Variants in KATNAL1 observed in about 807,000 individuals in gnomAD.
KATNAL1 encodes katanin catalytic subunit A1 like 1, also known as katanin p60 ATPase-containing subunit A-like 1.
KATNAL1 carries 32 observed loss-of-function variants against 55.2 expected under a neutral mutation model. The observed-to-expected ratio is 0.58, with a 90% CI of 0.44 to 0.78. KATNAL1 has a LOEUF of 0.78. Among genes scored for constraint, KATNAL1 ranks in the 30% least tolerant of loss-of-function variants. KATNAL1 has a pLI of 0.00. For missense variants in KATNAL1, 466 were observed against 600.9 expected (o/e 0.78, Z 2.35); for synonymous variants, 193 against 193.6 (o/e 1.00, Z 0.02).
intron 10 of KATNAL1, among the ~76,000 whole-genome samples, chr13:30,209,580 T>A (rs1030884500): frequency 6.6e-6 from 1 of 152,240 alleles, no homozygotes; most frequent in Non-Finnish European, 1.5e-5. Context: ...GTCTAAAACT[T>A]ATGATGTCGC....
intron 3 of KATNAL1, among the ~76,000 whole-genome samples, chr13:30,269,895 A>AGGGG (rs1280382973): frequency 1.4e-5 from 2 of 142,880 alleles, no homozygotes; most frequent in Admixed American, 1.4e-4. Context: ...CCCGTCCAGG[A>AGGGG]GGGGGGGGTC....
chr13:30,242,821 C>T (rs1026329256), intron 4 of KATNAL1, among the ~76,000 whole-genome samples: 11 of 151,744 alleles, frequency 7.2e-5, no homozygotes, highest in South Asian at 2.1e-4. Context: ...ATTCTGGAAA[C>T]GTTTTCAAAT....
chr13:30,296,120 G>A, intron 1 of KATNAL1: 1 of 417,466 alleles, frequency 2.4e-6, no homozygotes, highest in Non-Finnish European at 4.4e-6. Context: ...CGTGCATCTA[G>A]CCTTTGCCCA....
intron 4 of KATNAL1, among the ~76,000 whole-genome samples, chr13:30,247,877 A>G (rs551888653): frequency 6.6e-5 from 10 of 152,316 alleles, no homozygotes; most frequent in Middle Eastern, 3.4e-3. Context: ...TTTATTTTAC[A>G]CTTTCTGTAG....
At chr13:30,227,125 T>TCC (rs1566092370) in intron 9 of KATNAL1, among the ~76,000 whole-genome samples, 1 of 151,442 alleles carries the variant, frequency 6.6e-6, no homozygotes, top group Non-Finnish European at 1.5e-5. Context: ...TCTCTCTCTC[T>TCC]CCAAAACAGC....
At chr13:30,219,303 C>T (rs76528358) in intron 9 of KATNAL1, among the ~76,000 whole-genome samples, 5,802 of 152,056 alleles carry the variant, frequency 0.038, 149 homozygotes, top group African/African-American at 0.061. Context: ...CTGGTGGCTC[C>T]AGCCCCAAAA....
intron 9 of KATNAL1, among the ~76,000 whole-genome samples, chr13:30,212,502 C>A (rs990180156): frequency 2.0e-5 from 3 of 152,226 alleles, no homozygotes. Context: ...CCGAGCTCAG[C>A]CTGCCAGGCC....
At chr13:30,255,389 A>T in intron 4 of KATNAL1, 58 bp downstream of exon 4, 1 of 1,331,296 alleles carries the variant, frequency 7.5e-7, no homozygotes, top group Non-Finnish European at 9.8e-7. Context: ...AAAAATCATA[A>T]CATCCACCAA....
chr13:30,261,164 A>G (rs1036631734), intron 3 of KATNAL1, among the ~76,000 whole-genome samples: 4 of 152,156 alleles, frequency 2.6e-5, no homozygotes, highest in African/African-American at 9.7e-5. Flanking sequence ...AGACAAGCAA[A>G]TGCTGAGAGA....
intron 9 of KATNAL1, among the ~76,000 whole-genome samples, chr13:30,214,250 C>G (rs1349860869): frequency 6.6e-6 from 1 of 152,150 alleles, no homozygotes; most frequent in Non-Finnish European, 1.5e-5. Flanking sequence ...GAACTACAAA[C>G]CACTCCTCAA....
At chr13:30,283,920 G>T in intron 1 of KATNAL1, 129 bp from the exon 2 acceptor site, 1 of 634,784 alleles carries the variant, frequency 1.6e-6, no homozygotes, top group Non-Finnish European at 2.6e-6. Flanking sequence ...TTATTGCCCA[G>T]ATTGGAGTGC....
At chr13:30,222,401 G>T (rs1874963480) in intron 9 of KATNAL1, among the ~76,000 whole-genome samples, 1 of 152,090 alleles carries the variant, frequency 6.6e-6, no homozygotes, top group Admixed American at 6.5e-5. Context: ...GGACTTACCA[G>T]CCCCCATAAT....
chr13:30,251,979 T>C (rs985868666), intron 4 of KATNAL1, among the ~76,000 whole-genome samples: 6 of 152,140 alleles, frequency 3.9e-5, no homozygotes, highest in Non-Finnish European at 5.9e-5. Flanking sequence ...CTGTCAGTAA[T>C]TTTAAAAAAG....
At chr13:30,264,496 C>G (rs1320699212) in intron 3 of KATNAL1, among the ~76,000 whole-genome samples, 1 of 150,356 alleles carries the variant, frequency 6.7e-6, no homozygotes, top group African/African-American at 2.5e-5. Context: ...GGGCTAATAT[C>G]CAGAATCTAC....
chr13:30,286,349 C>T (rs1221315648), intron 1 of KATNAL1, among the ~76,000 whole-genome samples: 1 of 152,154 alleles, frequency 6.6e-6, no homozygotes, highest in Non-Finnish European at 1.5e-5. Context: ...TGTGCAGCCT[C>T]GGGACTTGGT....
chr13:30,256,993 T>C (rs1878850837), intron 3 of KATNAL1, among the ~76,000 whole-genome samples: 1 of 152,332 alleles, frequency 6.6e-6, no homozygotes, highest in East Asian at 1.9e-4. Context: ...AAATAGTGCA[T>C]AGTAATGGCT....
At chr13:30,211,913 C>T (rs931266833) in intron 9 of KATNAL1, among the ~76,000 whole-genome samples, 7 of 152,136 alleles carry the variant, frequency 4.6e-5, no homozygotes, top group African/African-American at 1.7e-4. Context: ...AGCAGCAGAC[C>T]GAAGCATAAT....
At chr13:30,275,684 T>C (rs1880790834) in intron 3 of KATNAL1, among the ~76,000 whole-genome samples, 1 of 152,146 alleles carries the variant, frequency 6.6e-6, no homozygotes, top group East Asian at 1.9e-4. Flanking sequence ...CTGAATCTGC[T>C]AAGAGGGTAG....
intron 1 of KATNAL1, among the ~76,000 whole-genome samples, chr13:30,284,745 TGTTA>T (rs1258739736): frequency 2.6e-5 from 4 of 152,202 alleles, no homozygotes; most frequent in South Asian, 2.1e-4. Context: ...TTCTATAAGA[TGTTA>T]GTTAGAATAC....
Sources: gnomAD v4.1 joint callset for allele counts (sites outside exome capture counted in the v4.1 genomes callset) on GRCh38, gnomAD v4.1.1 for gene constraint, MANE v1.5 for transcripts, NCBI Gene and HGNC (gene_info 2026-07-23, HGNC 2026-07-21) for gene names.